The following UACA variants were observed in gnomAD, a reference collection of about 807,000 sequenced individuals.
The protein encoded by UACA is uveal autoantigen with coiled-coil domains and ankyrin repeats.
A neutral mutation model predicts 160.5 loss-of-function variants in UACA; 112 were observed. The observed-to-expected ratio is 0.70, with a 90% CI of 0.60 to 0.82. The LOEUF (loss-of-function observed/expected upper bound fraction) is 0.82. Among genes scored for constraint, UACA ranks in the 40% least tolerant of loss-of-function variants. The probability of loss-of-function intolerance (pLI) is 0.00; values close to 1 mark genes in which losing one functional copy is unlikely to be tolerated. For synonymous variants in UACA, 557 were observed against 568.4 expected, an observed-to-expected ratio of 0.98 and a Z score of 0.29; for missense variants, 1,574 against 1,614.6, an observed-to-expected ratio of 0.97 and a Z score of 0.43.
intron 7 of UACA, 76 bp from the exon 8 acceptor site, chr15:70,684,522 T>G: frequency 6.9e-7 from 1 of 1,442,802 alleles, no homozygotes; most frequent in Non-Finnish European, 9.4e-7. Flanking sequence ...GCCCTATTGT[T>G]GAACACTGTC....
intron 1 of UACA, among the ~76,000 whole-genome samples, chr15:70,708,781 A>G (rs1043653307): frequency 2.6e-5 from 4 of 152,186 alleles, no homozygotes; most frequent in African/African-American, 9.7e-5. Flanking sequence ...AGCCTATTGC[A>G]TGATTAATAC....
At chr15:70,741,862 C>T (rs1478365462) in intron 1 of UACA, among the ~76,000 whole-genome samples, 3 of 152,162 alleles carry the variant, frequency 2.0e-5, no homozygotes, top group Non-Finnish European at 2.9e-5. Context: ...AGAAATTTCA[C>T]CTTACAGGTT....
At chr15:70,701,004 T>C (rs907674515) in intron 1 of UACA, among the ~76,000 whole-genome samples, 23 of 152,150 alleles carry the variant, frequency 1.5e-4, no homozygotes, top group Non-Finnish European at 3.2e-4. Flanking sequence ...CATCACTAAC[T>C]TTCTTGTTAA....
In UACA at chr15:70,666,895, A is replaced by G; in HGVS notation, c.3789T>C (p.His1263=). 1 of 1,613,688 alleles carries G rather than the reference A, an allele frequency of 6.2e-7. No individual in the cohort carries two copies. The highest frequency in any genetic ancestry group is 2.2e-5 in the East Asian group (1 of 44,862). ...TTGCAGATATTTCCTTCTTTTTGGC[A>G]TGCAAAACTTCCTCACATACTTCCT... ...KYEEVCEEVL[H]AKKKEISAKD... is the part of the protein sequence containing the mutation. Residue 1263 remains histidine, a synonymous_variant, in exon 16 of 19, where the codon CAT becomes CAC. Coordinates refer to ENST00000322954, the MANE Select transcript of UACA (RefSeq NM_018003.4).
intron 1 of UACA, among the ~76,000 whole-genome samples, chr15:70,713,116 G>A (rs949223561): frequency 3.0e-4 from 45 of 152,134 alleles, no homozygotes; most frequent in African/African-American, 1.0e-3. Context: ...AGGCCGAGGC[G>A]GGCGGATCAT....
intron 1 of UACA, among the ~76,000 whole-genome samples, chr15:70,759,941 C>T (rs2030648252): frequency 6.6e-6 from 1 of 152,202 alleles, no homozygotes; most frequent in Non-Finnish European, 1.5e-5. Context: ...AGCTAATATG[C>T]TGTATTCCAC....
At chr15:70,710,711 G>C (rs1898659006) in intron 1 of UACA, among the ~76,000 whole-genome samples, 1 of 152,216 alleles carries the variant, frequency 6.6e-6, no homozygotes, top group Non-Finnish European at 1.5e-5. Flanking sequence ...TATTGTAAAG[G>C]ATGTTACCAA....
intron 1 of UACA, among the ~76,000 whole-genome samples, chr15:70,747,810 T>A (rs1899756730): frequency 6.6e-6 from 1 of 152,124 alleles, no homozygotes; most frequent in South Asian, 2.1e-4. Context: ...AAATGAAAGA[T>A]GACATTTTTT....
At chr15:70,753,867 G>A (rs376776139) in intron 1 of UACA, among the ~76,000 whole-genome samples, 144 of 152,220 alleles carry the variant, frequency 9.5e-4, no homozygotes, top group African/African-American at 3.3e-3. Context: ...GTGCAGTGGC[G>A]CGATCTCGGC....
At chr15:70,659,402 T>TTG (rs1896611862) in intron 18 of UACA, among the ~76,000 whole-genome samples, 1 of 120,282 alleles carries the variant, frequency 8.3e-6, no homozygotes, top group East Asian at 2.2e-4. Context: ...TTTGTTTTTT[T>TTG]TTTTTTTTTT....
At chr15:70,713,436 A>C (rs912171545) in intron 1 of UACA, among the ~76,000 whole-genome samples, 1 of 152,202 alleles carries the variant, frequency 6.6e-6, no homozygotes, top group African/African-American at 2.4e-5. Flanking sequence ...TGACGGTGAT[A>C]GCCGAGTGAC....
chr15:70,697,964 C>T (rs1025770938), intron 2 of UACA, among the ~76,000 whole-genome samples: 6 of 152,030 alleles, frequency 3.9e-5, no homozygotes, highest in African/African-American at 1.4e-4. Flanking sequence ...GCAGGAGAAT[C>T]GCTTGAACCC....
intron 7 of UACA, among the ~76,000 whole-genome samples, chr15:70,686,424 T>C (rs1011510540): frequency 6.6e-6 from 1 of 151,452 alleles, no homozygotes; most frequent in South Asian, 2.1e-4. Flanking sequence ...GTCTGGAGAA[T>C]TGAAGTCAAT....
chr15:70,667,833 C>A lies in UACA; in HGVS notation c.2851G>T (p.Ala951Ser), dbSNP rs773727019. The A allele has an allele frequency of 1.2e-6, 2 of 1,613,874 alleles. No individual in the cohort carries two copies. Among genetic ancestry groups the A allele is most frequent in the East Asian group, 4.5e-5 (2 of 44,870 alleles). Residue 951 changes from alanine (A) to serine (S), a missense_variant, in exon 16 of 19, where the codon GCC (alanine) becomes TCC (serine). Physicochemically the swap from Ala to Ser is moderately conservative, Grantham distance 99 (BLOSUM62 1). Transcript: ENST00000322954. ...TCTTCTTGGCCTTTTCTGTAGTTGGCCAAGATTTCAGCATTACTATCCTGC... is the reference window on the plus strand; with the variant it reads ...TCTTCTTGGCCTTTTCTGTAGTTGGACAAGATTTCAGCATTACTATCCTGC... The part of the protein sequence containing the change: ...KVQDSNAEIL[A>S]NYRKGQEEIV...
rs1897054216 is a variant in UACA at position 70,669,268 on chromosome 15, T to C, written c.1416A>G (p.Ala472=). 1 of 1,614,118 alleles carries C rather than the reference T, an allele frequency of 6.2e-7. No homozygotes were observed. The highest frequency in any genetic ancestry group is 8.5e-7 in the Non-Finnish European group (1 of 1,179,974). The change falls in exon 16 of 19, where the codon GCA becomes GCG. Residue 472 remains alanine (A), a synonymous_variant. Coordinates refer to ENST00000322954, the MANE Select transcript of UACA (RefSeq NM_018003.4). ...KLQNELAHKV[A]ECKALALECE... ...ATTCTAATGCTAAAGCTTTGCATTC[T>C]GCCACTTTGTGTGCCAGTTCATTTT...
chr15:70,684,129 A>G (rs1897618038), intron 8 of UACA, 136 bp downstream of exon 8: 1 of 683,390 alleles, frequency 1.5e-6, no homozygotes, highest in South Asian at 2.5e-5. Flanking sequence ...TCCATGTTGT[A>G]GAGGGAGATG....
At chr15:70,722,115 T>C (rs182607167) in intron 1 of UACA, among the ~76,000 whole-genome samples, 80 of 152,320 alleles carry the variant, frequency 5.3e-4, no homozygotes, top group Non-Finnish European at 5.3e-4. Context: ...AAATTAATAA[T>C]GCATTCAAAT....
intron 8 of UACA, among the ~76,000 whole-genome samples, chr15:70,683,413 G>A (rs975992388): frequency 6.6e-6 from 1 of 152,038 alleles, no homozygotes; most frequent in African/African-American, 2.4e-5. Context: ...AAGGCAATTT[G>A]CCAACATAGA....
At position 70,664,750 on chromosome 15, in the gene UACA, G is replaced by A; in HGVS notation, c.4025C>T (p.Thr1342Ile). The A allele has an allele frequency of 1.2e-6, 2 of 1,613,662 alleles. No individual in the cohort carries two copies. The highest frequency in any genetic ancestry group is 1.7e-6 in the Non-Finnish European group (2 of 1,179,836). ...CTTGGTGGGGTTCCCACTTGTGTAGGTGAGTTGGGAAAGGCCATTGAGTGC... is the reference window on the plus strand; with the variant it reads ...CTTGGTGGGGTTCCCACTTGTGTAGATGAGTTGGGAAAGGCCATTGAGTGC... Reference protein sequence around the residue: ...KQALNGLSQLTYTSGNPTKRQ... With the variant: ...KQALNGLSQLIYTSGNPTKRQ... Residue 1342 changes from threonine (T) to isoleucine (I), a missense_variant, in exon 17 of 19, where the codon ACC (threonine) becomes ATC (isoleucine). Physicochemically the swap from Thr to Ile is moderately conservative, Grantham distance 89 (BLOSUM62 -1). Coordinates refer to ENST00000322954, the MANE Select transcript of UACA (RefSeq NM_018003.4).
Sources: gnomAD v4.1 joint callset for allele counts (sites outside exome capture counted in the v4.1 genomes callset) on GRCh38, gnomAD v4.1.1 for gene constraint, MANE v1.5 for transcripts, NCBI Gene and HGNC (gene_info 2026-07-23, HGNC 2026-07-21) for gene names.